Variants in TBC1D19 observed in about 807,000 individuals in gnomAD.
The protein encoded by TBC1D19 is TBC1 domain family member 19.
A neutral mutation model predicts 89.0 loss-of-function variants in TBC1D19; 60 were observed. The ratio of observed to expected loss-of-function variants is 0.67; its 90% confidence interval spans 0.55 to 0.84. The LOEUF (loss-of-function observed/expected upper bound fraction) is 0.84. Among genes scored for constraint, TBC1D19 ranks in the 40% least tolerant of loss-of-function variants. The pLI, the probability that TBC1D19 is intolerant of heterozygous loss-of-function variation, is 0.00. For synonymous variants in TBC1D19, 189 were observed against 199.7 expected, an observed-to-expected ratio of 0.95 and a Z score of 0.45; for missense variants, 500 against 610.8, an observed-to-expected ratio of 0.82 and a Z score of 1.91.
intron 7 of TBC1D19, among the ~76,000 whole-genome samples, chr4:26,651,160 G>A (rs1744345626): frequency 6.6e-6 from 1 of 152,138 alleles, no homozygotes; most frequent in Admixed American, 6.6e-5. Flanking sequence ...GATGCCTTCG[G>A]CTTTGTTCTT....
At chr4:26,795,744 C>G in the TBC1D19 span, among the ~76,000 whole-genome samples, 1 of 152,108 alleles carries the variant, frequency 6.6e-6, no homozygotes, top group Non-Finnish European at 1.5e-5. Flanking sequence ...AAGGTGAAAA[C>G]TGAATAAAAT....
intron 4 of TBC1D19, among the ~76,000 whole-genome samples, chr4:26,629,611 T>C (rs1742665161): frequency 6.6e-6 from 1 of 152,158 alleles, no homozygotes; most frequent in East Asian, 1.9e-4. Flanking sequence ...GTATAAAGAA[T>C]CAGAAACACA....
chr4:26,587,273 A>G (rs187844219), intron 1 of TBC1D19, among the ~76,000 whole-genome samples: 48 of 152,174 alleles, frequency 3.2e-4, no homozygotes, highest in African/African-American at 1.1e-3. Flanking sequence ...TTGTAACTGT[A>G]TTTATGAAAG....
At chr4:26,681,749 G>T (rs142846617) in intron 11 of TBC1D19, among the ~76,000 whole-genome samples, 19 of 152,046 alleles carry the variant, frequency 1.2e-4, no homozygotes, top group Admixed American at 1.1e-3. Flanking sequence ...ATATTAAAAT[G>T]TATGTAACTA....
chr4:26,807,097 A>C, the TBC1D19 span, among the ~76,000 whole-genome samples: 1 of 152,148 alleles, frequency 6.6e-6, no homozygotes, highest in East Asian at 1.9e-4. Context: ...ACTCCCATGA[A>C]AAGGCAAGAG....
the TBC1D19 span, among the ~76,000 whole-genome samples, chr4:26,763,068 C>T: frequency 2.0e-5 from 3 of 152,162 alleles, no homozygotes; most frequent in Non-Finnish European, 4.4e-5. Flanking sequence ...TTAACTGTAA[C>T]GTATGAAAAT....
chr4:26,663,171 G>T (rs917365455), intron 8 of TBC1D19: 1 of 152,172 alleles, frequency 6.6e-6, no homozygotes, highest in Non-Finnish European at 1.5e-5. Flanking sequence ...TTAAGAAAAA[G>T]ACGTAAATGA....
intron 19 of TBC1D19, among the ~76,000 whole-genome samples, chr4:26,753,141 T>TG (rs1318730747): frequency 1.3e-5 from 2 of 152,224 alleles, no homozygotes; most frequent in Non-Finnish European, 2.9e-5. Flanking sequence ...AAGTCAGTGC[T>TG]GTGTATAAAA....
chr4:26,651,785 T>A (rs1433722180), intron 7 of TBC1D19, among the ~76,000 whole-genome samples: 1 of 152,210 alleles, frequency 6.6e-6, no homozygotes, highest in Non-Finnish European at 1.5e-5. Flanking sequence ...ATCCCTCTCT[T>A]GTGCCAGTTT....
At chr4:26,817,179 T>C in the TBC1D19 span, among the ~76,000 whole-genome samples, 1 of 152,220 alleles carries the variant, frequency 6.6e-6, no homozygotes, top group Middle Eastern at 3.2e-3. Context: ...CATACACTCT[T>C]GTAGAAATTA....
chr4:26,787,318 T>C, the TBC1D19 span, among the ~76,000 whole-genome samples: 2 of 152,022 alleles, frequency 1.3e-5, no homozygotes, highest in East Asian at 3.9e-4. Context: ...CCCAGGGTGG[T>C]CTCAAACTCC....
intron 12 of TBC1D19, among the ~76,000 whole-genome samples, chr4:26,684,170 T>G (rs1424514805): frequency 1.3e-5 from 2 of 152,338 alleles, no homozygotes; most frequent in East Asian, 3.9e-4. Flanking sequence ...TTTCTAGACA[T>G]ATGGCTAAGT....
At chr4:26,841,892 G>A in the TBC1D19 span, among the ~76,000 whole-genome samples, 1 of 152,100 alleles carries the variant, frequency 6.6e-6, no homozygotes, top group Non-Finnish European at 1.5e-5. Flanking sequence ...TCTAGAACTG[G>A]CATTGCACAA....
intron 4 of TBC1D19, among the ~76,000 whole-genome samples, chr4:26,634,739 A>T (rs927171014): frequency 1.3e-5 from 2 of 152,154 alleles, no homozygotes; most frequent in Non-Finnish European, 2.9e-5. Flanking sequence ...GTATCTACAT[A>T]TATTTTATGC....
chr4:26,779,926 A>G, the TBC1D19 span, among the ~76,000 whole-genome samples: 1 of 152,164 alleles, frequency 6.6e-6, no homozygotes, highest in South Asian at 2.1e-4. Context: ...GCTGTATCCC[A>G]AAGTTTTGAC....
chr4:26,734,960 A>G (rs201514282), intron 15 of TBC1D19, among the ~76,000 whole-genome samples: 21 of 58,006 alleles, frequency 3.6e-4, no homozygotes, highest in African/African-American at 8.8e-4. Flanking sequence ...ACATATGTAT[A>G]TGTATATATG....
At chr4:26,599,273 T>C (rs1406593159) in intron 1 of TBC1D19, among the ~76,000 whole-genome samples, 3 of 152,206 alleles carry the variant, frequency 2.0e-5, no homozygotes, top group South Asian at 2.1e-4. Flanking sequence ...CAATCTGCTT[T>C]AATAATATAC....
chr4:26,690,980 T>C (rs1283823650), intron 13 of TBC1D19, among the ~76,000 whole-genome samples: 1 of 152,176 alleles, frequency 6.6e-6, no homozygotes, highest in African/African-American at 2.4e-5. Flanking sequence ...CCAATCTAAA[T>C]GCCATTAAGA....
At chr4:26,753,272 G>A (rs1299624949) in intron 19 of TBC1D19, among the ~76,000 whole-genome samples, 4 of 152,130 alleles carry the variant, frequency 2.6e-5, no homozygotes, top group African/African-American at 7.2e-5. Flanking sequence ...TCTGTATAAC[G>A]TTTCAGAAGT....
Sources: gnomAD v4.1 joint callset for allele counts (sites outside exome capture counted in the v4.1 genomes callset) on GRCh38, gnomAD v4.1.1 for gene constraint, MANE v1.5 for transcripts, NCBI Gene and HGNC (gene_info 2026-07-23, HGNC 2026-07-21) for gene names.